The following ALK variants were observed in gnomAD, a reference collection of about 807,000 sequenced individuals.
The protein encoded by ALK is ALK tyrosine kinase receptor.
A neutral mutation model predicts 163.1 loss-of-function variants in ALK; 74 were observed. The observed-to-expected ratio is 0.45, with a 90% CI of 0.38 to 0.55. The LOEUF (loss-of-function observed/expected upper bound fraction) is 0.55. Among genes scored for constraint, ALK ranks in the 20% least tolerant of loss-of-function variants. ALK has a pLI of 0.00. For synonymous variants in ALK, 960 were observed against 843.2 expected (o/e 1.14, Z -2.40); for missense variants, 2,063 against 2,105.3 (o/e 0.98, Z 0.39).
intron 5 of ALK, among the ~76,000 whole-genome samples, chr2:29,368,987 G>A (rs143261377): frequency 7.7e-4 from 117 of 152,230 alleles, no homozygotes; most frequent in African/African-American, 2.7e-3. Flanking sequence ...GCCAGCACTC[G>A]CCATGAATTT....
chr2:29,664,614 G>A (rs140382533), intron 3 of ALK, among the ~76,000 whole-genome samples: 121 of 152,126 alleles, frequency 8.0e-4, no homozygotes, highest in African/African-American at 2.6e-3. Context: ...ATAAAGTCTG[G>A]GTTTCTTAAT....
Position 29,229,050 on chromosome 2 carries a change from C to T in ALK, c.2649G>A (p.Trp883Ter). 2 of 1,612,906 alleles carry T rather than the reference C, an allele frequency of 1.2e-6. No individual in the cohort carries two copies. The highest frequency in any genetic ancestry group is 1.7e-6 in the Non-Finnish European group (2 of 1,179,518). The change falls in exon 16 of 29, where the codon TGG (tryptophan) becomes TGA (stop). Residue 883 changes from tryptophan (W) to a stop codon, truncating the protein, a stop_gained. Coordinates refer to ENST00000389048, the MANE Select transcript of ALK (RefSeq NM_004304.5). LOFTEE classifies it high-confidence loss of function. ...CCCAGAGCAAGGAAGTGTTATCATT[C>T]CAGCCACCTCCACCACCTGCGGGAA... ...NSGAAGGGGG[W>*]NDNTSLLWAG...
intron 1 of ALK, among the ~76,000 whole-genome samples, chr2:29,838,385 C>T (rs1179056883): frequency 6.6e-6 from 1 of 152,016 alleles, no homozygotes; most frequent in Non-Finnish European, 1.5e-5. Context: ...GAAACCCACA[C>T]ATGATAAATA....
At chr2:29,688,287 A>G (rs1678295406) in intron 3 of ALK, among the ~76,000 whole-genome samples, 1 of 152,224 alleles carries the variant, frequency 6.6e-6, no homozygotes, top group Admixed American at 6.5e-5. Flanking sequence ...TGGAAAAGGG[A>G]CAGAGACATC....
Position 29,232,342 on chromosome 2 carries a change from G to C in ALK, c.2594C>G (p.Ser865Cys). ...TFHPERLENN[S>C]SVLGLNGNSG... ...ATTGCCGTTTAGCCCTAGAACCGAG[G>C]AGTTATTCTCCAGTCTCTCTGGGTG... Residue 865 changes from serine to cysteine, a missense_variant, in exon 15 of 29, where the codon TCC becomes TGC. Transcript: ENST00000389048. The C allele has an allele frequency of 1.2e-6, 2 of 1,614,246 alleles. No individual in the cohort carries two copies. Among genetic ancestry groups the C allele is most frequent in the Admixed American group, 3.3e-5 (2 of 60,034 alleles).
At chr2:29,658,159 G>C (rs988701637) in intron 3 of ALK, among the ~76,000 whole-genome samples, 1 of 152,170 alleles carries the variant, frequency 6.6e-6, no homozygotes, top group East Asian at 1.9e-4. Flanking sequence ...GGGAAACAAA[G>C]GAAATGAAAA....
intron 9 of ALK, among the ~76,000 whole-genome samples, chr2:29,292,055 C>T (rs1276085854): frequency 1.3e-5 from 2 of 152,178 alleles, no homozygotes; most frequent in Non-Finnish European, 2.9e-5. Context: ...GTGAAACACA[C>T]CACTTGTCGT....
chr2:29,527,322 G>A (rs72794497), intron 4 of ALK, among the ~76,000 whole-genome samples: 16,010 of 152,200 alleles, frequency 0.11, 1,301 homozygotes, highest in South Asian at 0.33. Context: ...AAGTAAGCGC[G>A]GCAGCTGTGT....
intron 8 of ALK, among the ~76,000 whole-genome samples, chr2:29,311,374 A>G (rs73920774): frequency 0.11 from 17,261 of 152,170 alleles, 1,076 homozygotes; most frequent in African/African-American, 0.16. Flanking sequence ...TTCTTAGAGT[A>G]GGGGCACATA....
intron 11 of ALK, among the ~76,000 whole-genome samples, chr2:29,259,736 T>G (rs1665037100): frequency 6.6e-6 from 1 of 152,144 alleles, no homozygotes; most frequent in South Asian, 2.1e-4. Context: ...TCATTCTGGG[T>G]TAATATTCTT....
intron 5 of ALK, among the ~76,000 whole-genome samples, chr2:29,334,429 T>C (rs967776890): frequency 1.3e-5 from 2 of 152,222 alleles, no homozygotes; most frequent in African/African-American, 4.8e-5. Flanking sequence ...GAGTGGTTAG[T>C]GGCTGGCTGA....
chr2:29,206,669 C>T (rs1238727481), intron 26 of ALK, among the ~76,000 whole-genome samples: 1 of 152,052 alleles, frequency 6.6e-6, no homozygotes, highest in African/African-American at 2.4e-5. Flanking sequence ...GATCCATTTT[C>T]TAATCTTCTC....
At chr2:29,715,602 C>T (rs1384161170) in intron 2 of ALK, among the ~76,000 whole-genome samples, 1 of 152,166 alleles carries the variant, frequency 6.6e-6, no homozygotes, top group Non-Finnish European at 1.5e-5. Flanking sequence ...AAATATGTTG[C>T]CCTCTGCAGC....
chr2:29,864,827 T>C (rs924233173), intron 1 of ALK, among the ~76,000 whole-genome samples: 1 of 152,216 alleles, frequency 6.6e-6, no homozygotes, highest in Non-Finnish European at 1.5e-5. Context: ...ACACATCCCA[T>C]GTTTGGAGAA....
At chr2:29,703,866 C>G (rs573279658) in intron 2 of ALK, among the ~76,000 whole-genome samples, 1 of 152,114 alleles carries the variant, frequency 6.6e-6, no homozygotes, top group Non-Finnish European at 1.5e-5. Flanking sequence ...CTTAGGGCCA[C>G]GCCACTGATT....
chr2:29,726,930 C>A (rs1434371905), intron 1 of ALK, among the ~76,000 whole-genome samples: 1 of 152,154 alleles, frequency 6.6e-6, no homozygotes, highest in East Asian at 1.9e-4. Flanking sequence ...GATGTGTGGA[C>A]CAGCTAGGAA....
chr2:29,378,269 G>A (rs1325647019), intron 5 of ALK, among the ~76,000 whole-genome samples: 2 of 152,186 alleles, frequency 1.3e-5, no homozygotes, highest in East Asian at 1.9e-4. Flanking sequence ...GAGGCAGAAA[G>A]CACCTTGGGC....
At chr2:29,317,279 A>G (rs969768325) in intron 8 of ALK, among the ~76,000 whole-genome samples, 1 of 152,218 alleles carries the variant, frequency 6.6e-6, no homozygotes, top group African/African-American at 2.4e-5. Context: ...CCAGACAGGA[A>G]TTTCTCCTGT....
At chr2:29,470,950 A>G (rs1671333466) in intron 4 of ALK, among the ~76,000 whole-genome samples, 1 of 152,202 alleles carries the variant, frequency 6.6e-6, no homozygotes, top group Non-Finnish European at 1.5e-5. Flanking sequence ...GTGGAGTTTA[A>G]GTAATCAGGT....
Sources: gnomAD v4.1 joint callset for allele counts (sites outside exome capture counted in the v4.1 genomes callset) on GRCh38, gnomAD v4.1.1 for gene constraint, MANE v1.5 for transcripts, NCBI Gene and HGNC (gene_info 2026-07-23, HGNC 2026-07-21) for gene names.